The following FNDC3A variants were observed in gnomAD, a reference collection of about 807,000 sequenced individuals.
The protein encoded by FNDC3A is fibronectin type-III domain-containing protein 3A.
A neutral mutation model predicts 148.9 loss-of-function variants in FNDC3A; 32 were observed. The ratio of observed to expected loss-of-function variants is 0.21; its 90% CI spans 0.16 to 0.29. The LOEUF is 0.29. Among genes scored for constraint, FNDC3A ranks in the 10% least tolerant of loss-of-function variants. The probability of loss-of-function intolerance (pLI) is 1.00; values close to 1 mark genes in which losing one functional copy is unlikely to be tolerated. For missense variants in FNDC3A, 1,191 were observed against 1,452.8 expected, an observed-to-expected ratio of 0.82 and a Z score of 2.93; for synonymous variants, 472 against 473.6, an observed-to-expected ratio of 1.00 and a Z score of 0.04.
chr13:49,011,197 G>C (rs1371341209), intron 2 of FNDC3A, among the ~76,000 whole-genome samples: 1 of 151,394 alleles, frequency 6.6e-6, no homozygotes, highest in Non-Finnish European at 1.5e-5. Flanking sequence ...ATTCTCTCCT[G>C]TTCCCCTGTT....
chr13:49,103,687 G>T (rs1032059615), intron 3 of FNDC3A, among the ~76,000 whole-genome samples: 49 of 152,180 alleles, frequency 3.2e-4, no homozygotes, highest in Non-Finnish European at 3.4e-4. Context: ...ATATTTAGGA[G>T]ATAAAACTGT....
chr13:49,051,750 A>G (rs1455003656), intron 2 of FNDC3A, among the ~76,000 whole-genome samples: 5 of 152,200 alleles, frequency 3.3e-5, no homozygotes, highest in African/African-American at 1.2e-4. Context: ...TTCCTTGACT[A>G]TCCCCTCAAA....
At chr13:49,052,463 C>T (rs1226137353) in intron 2 of FNDC3A, among the ~76,000 whole-genome samples, 2 of 152,086 alleles carry the variant, frequency 1.3e-5, no homozygotes, top group Non-Finnish European at 2.9e-5. Flanking sequence ...TCTAGCCACT[C>T]AGTGGAGGTA....
chr13:49,124,643 G>A (rs1262579864), intron 4 of FNDC3A, among the ~76,000 whole-genome samples: 1 of 152,156 alleles, frequency 6.6e-6, no homozygotes, highest in East Asian at 1.9e-4. Flanking sequence ...GAACCTTAAT[G>A]AGCTTTATTG....
At chr13:48,986,159 G>A (rs750678464) in intron 1 of FNDC3A, among the ~76,000 whole-genome samples, 17 of 152,084 alleles carry the variant, frequency 1.1e-4, no homozygotes, top group Non-Finnish European at 1.9e-4. Flanking sequence ...TGCCAACCAA[G>A]ACAAAATAAA....
intron 2 of FNDC3A, among the ~76,000 whole-genome samples, chr13:49,052,734 G>A (rs1048444348): frequency 2.0e-5 from 3 of 152,140 alleles, no homozygotes; most frequent in Non-Finnish European, 4.4e-5. Flanking sequence ...AGGGACACCT[G>A]GTTAAGTTTT....
chr13:49,001,865 C>T (rs1269526033), intron 1 of FNDC3A, among the ~76,000 whole-genome samples: 1 of 152,266 alleles, frequency 6.6e-6, no homozygotes, highest in African/African-American at 2.4e-5. Flanking sequence ...CTTGCCCTGC[C>T]TCCATTTGCC....
At chr13:49,070,894 G>GTTTTTTTTTTTTT (rs930772693) in intron 2 of FNDC3A, among the ~76,000 whole-genome samples, 1 of 135,430 alleles carries the variant, frequency 7.4e-6, no homozygotes. Context: ...TTTTTTTTTT[G>GTTTTTTTTTTTTT]TTTTGTTTTT....
chr13:49,036,526 A>T (rs935052890), intron 2 of FNDC3A, among the ~76,000 whole-genome samples: 6 of 152,224 alleles, frequency 3.9e-5, no homozygotes, highest in Non-Finnish European at 8.8e-5. Flanking sequence ...TTGAGCAAAC[A>T]TTTGTTCAAC....
At chr13:48,979,424 T>C (rs763492720) in intron 1 of FNDC3A, among the ~76,000 whole-genome samples, 1 of 152,084 alleles carries the variant, frequency 6.6e-6, no homozygotes, top group Non-Finnish European at 1.5e-5. Context: ...TTAGAAATGA[T>C]TTAGATAACA....
intron 7 of FNDC3A, among the ~76,000 whole-genome samples, chr13:49,142,566 G>A (rs1408444877): frequency 1.3e-5 from 2 of 152,146 alleles, no homozygotes; most frequent in Non-Finnish European, 2.9e-5. Context: ...CTATGTGGGA[G>A]TCCATCTCTT....
At chr13:48,989,205 G>A (rs1056389655) in intron 1 of FNDC3A, among the ~76,000 whole-genome samples, 3 of 152,166 alleles carry the variant, frequency 2.0e-5, no homozygotes, top group African/African-American at 7.2e-5. Flanking sequence ...GTCAAACTTT[G>A]TCCGAGTCCC....
intron 2 of FNDC3A, among the ~76,000 whole-genome samples, chr13:49,011,912 T>C (rs1952353663): frequency 1.3e-5 from 2 of 152,212 alleles, no homozygotes; most frequent in Admixed American, 1.3e-4. Flanking sequence ...TATTCCAAAA[T>C]CTACTGGAGT....
intron 1 of FNDC3A, among the ~76,000 whole-genome samples, chr13:48,996,577 A>T (rs1952028044): frequency 6.6e-6 from 1 of 152,220 alleles, no homozygotes; most frequent in Non-Finnish European, 1.5e-5. Context: ...CATAGGTTAT[A>T]TGCAAATACT....
At chr13:49,020,026 AC>A (rs1873201290) in intron 2 of FNDC3A, among the ~76,000 whole-genome samples, 1 of 152,218 alleles carries the variant, frequency 6.6e-6, no homozygotes, top group African/African-American at 2.4e-5. Context: ...GTTTGGAAGT[AC>A]ATTTTTATAA....
intron 23 of FNDC3A, among the ~76,000 whole-genome samples, chr13:49,200,794 A>G (rs191836650): frequency 6.6e-6 from 1 of 152,208 alleles, no homozygotes; most frequent in Admixed American, 6.5e-5. Context: ...AATAAATTAA[A>G]TCAATTTAAT....
chr13:49,026,343 A>T (rs1390867996), intron 2 of FNDC3A, among the ~76,000 whole-genome samples: 1 of 152,226 alleles, frequency 6.6e-6, no homozygotes, highest in Non-Finnish European at 1.5e-5. Flanking sequence ...TCAAAAGAGC[A>T]TCTGAGGAAA....
At chr13:49,130,376 A>G (rs796730181) in intron 4 of FNDC3A, among the ~76,000 whole-genome samples, 1 of 152,186 alleles carries the variant, frequency 6.6e-6, no homozygotes, top group Non-Finnish European at 1.5e-5. Flanking sequence ...AGAATTTTAC[A>G]TCCAAATTCT....
intron 3 of FNDC3A, among the ~76,000 whole-genome samples, chr13:49,076,023 C>A (rs973799436): frequency 1.3e-5 from 2 of 151,882 alleles, no homozygotes; most frequent in Admixed American, 1.3e-4. Flanking sequence ...AGCCACTCAC[C>A]CTCACTTATT....
Sources: gnomAD v4.1 joint callset for allele counts (sites outside exome capture counted in the v4.1 genomes callset) on GRCh38, gnomAD v4.1.1 for gene constraint, MANE v1.5 for transcripts, NCBI Gene and HGNC (gene_info 2026-07-23, HGNC 2026-07-21) for gene names.